LYVE1: variants seen among roughly 807,000 people sequenced by gnomAD.
LYVE1 encodes the protein lymphatic vessel endothelial hyaluronic acid receptor 1.
A neutral mutation model predicts 31.5 loss-of-function variants in LYVE1; 29 were observed. The ratio of observed to expected loss-of-function variants is 0.92; its 90% confidence interval spans 0.69 to 1.26. The LOEUF (loss-of-function observed/expected upper bound fraction) is 1.26. Among genes scored for constraint, LYVE1 ranks in the 50% most tolerant of loss-of-function variants. LYVE1 has a pLI of 0.00. For synonymous variants in LYVE1, 134 were observed against 139.4 expected, an observed-to-expected ratio of 0.96 and a Z score of 0.27; for missense variants, 376 against 380.2, an observed-to-expected ratio of 0.99 and a Z score of 0.09.
Position 10,559,287 on chromosome 11 carries a change from C to T in LYVE1, c.793G>A (p.Ala265Thr), listed in dbSNP as rs1850369028. The T allele has an allele frequency of 6.2e-7, 1 of 1,612,880 alleles. No homozygotes were observed. The highest frequency in any genetic ancestry group is 1.1e-5 in the South Asian group (1 of 90,934). ...TGATTCTTGTTTGTAAAAGGGAAGG[C>T]CTTCACATACCTTTAGGCAGAAACA... is the stretch of plus-strand genomic sequence containing the variant. ...GFCYVKRYVKAFPFTNKNQQK... is the reference protein window; with the variant it reads ...GFCYVKRYVKTFPFTNKNQQK... The change falls in exon 6 of 6, where the codon GCC (alanine) becomes ACC (threonine). Residue 265 changes from alanine to threonine, a missense_variant. Coordinates refer to ENST00000256178, the MANE Select transcript of LYVE1 (RefSeq NM_006691.4).
At chr11:10,567,278 T>G (rs1365727243) in intron 1 of LYVE1, among the ~76,000 whole-genome samples, 1 of 152,232 alleles carries the variant, frequency 6.6e-6, no homozygotes, top group Non-Finnish European at 1.5e-5. Flanking sequence ...GTCATGGTTA[T>G]GCTGACTTTT....
chr11:10,567,456 T>C (rs935774696), intron 1 of LYVE1, among the ~76,000 whole-genome samples: 3 of 152,212 alleles, frequency 2.0e-5, no homozygotes, highest in African/African-American at 7.2e-5. Flanking sequence ...ACCAAACTTA[T>C]TTGAAAGTAA....
intron 1 of LYVE1, among the ~76,000 whole-genome samples, chr11:10,566,902 C>G (rs1273957250): frequency 6.6e-6 from 1 of 152,108 alleles, no homozygotes; most frequent in African/African-American, 2.4e-5. Flanking sequence ...TTTATGCTTT[C>G]CTATTTCATT....
At position 10,560,577 on chromosome 11, in the gene LYVE1, C is replaced by T; in HGVS notation, c.621G>A (p.Met207Ile). ...TTTCTGTAGACATGGTGCTAGTTTC[C>T]ATAAAAACTTCTGTGACACAAATCA... The part of the protein sequence containing the change: ...KKLICVTEVF[M>I]ETSTMSTETE... The change falls in exon 4 of 6, where the codon ATG becomes ATA. Residue 207 changes from methionine to isoleucine, a missense_variant. Coordinates refer to ENST00000256178, the MANE Select transcript of LYVE1 (RefSeq NM_006691.4). The T allele has an allele frequency of 6.2e-7, 1 of 1,614,034 alleles. No homozygotes were observed. Among genetic ancestry groups the T allele is most frequent in the South Asian group, 1.1e-5 (1 of 91,062 alleles).
chr11:10,561,882 A>G (rs1251409613), intron 3 of LYVE1, among the ~76,000 whole-genome samples: 2 of 152,190 alleles, frequency 1.3e-5, no homozygotes, highest in East Asian at 3.8e-4. Flanking sequence ...TGACGGGTTG[A>G]TGGGTGCAGC....
At position 10,557,119 on chromosome 11, in the gene LYVE1, G is replaced by A. The variant is rs1850333136; in HGVS notation, c.*1992C>T. ...ACTGGGGCAGGCAGGTGATATATATGAGGGACGTGGGCTGGGTGTGAAGAA... is the reference window on the plus strand; with the variant it reads ...ACTGGGGCAGGCAGGTGATATATATAAGGGACGTGGGCTGGGTGTGAAGAA... On this transcript the variant is annotated 3_prime_UTR_variant, in exon 6 of 6. Coordinates refer to ENST00000256178, the MANE Select transcript of LYVE1 (RefSeq NM_006691.4). The A allele has an allele frequency of 1.3e-5, 2 of 152,194 alleles. No individual in the cohort carries two copies. Among genetic ancestry groups the A allele is most frequent in the African/African-American group, 4.8e-5 (2 of 41,438 alleles). 9.4% of individuals were successfully genotyped at this position (152,194 alleles called of 1,614,324 possible).
chr11:10,564,511 A>G, intron 1 of LYVE1, 137 bp from the exon 2 acceptor site: 1 of 710,606 alleles, frequency 1.4e-6, no homozygotes. Context: ...GAATAACAGG[A>G]CACAGACCAG....
rs1850360523 is a variant in LYVE1, at chr11:10,558,861, A to G, written c.*250T>C. 2.2e-6 allele frequency: 1 copy of G among 447,394 alleles called. No homozygotes were observed. The highest frequency in any genetic ancestry group is 2.0e-5 in the African/African-American group (1 of 50,386). 27.7% of individuals were successfully genotyped at this position (447,394 alleles called of 1,614,324 possible). A position where few individuals can be genotyped will look rare whatever the true frequency, so the allele number is the denominator to read the frequency against. ...TCCCAGTGGGATATTATTAGGACAT[A>G]GCCAGGCTAGAAAGGCCGTGGGAAG... On this transcript the variant is annotated 3_prime_UTR_variant, in exon 6 of 6. Coordinates refer to ENST00000256178, the MANE Select transcript of LYVE1 (RefSeq NM_006691.4).
rs1353968853 is a variant in LYVE1 at position 10,568,659 on chromosome 11, A to G, written c.-127T>C. On this transcript the variant is annotated 5_prime_UTR_variant, in exon 1 of 6. Coordinates refer to ENST00000256178, the MANE Select transcript of LYVE1 (RefSeq NM_006691.4). The stretch of plus-strand genomic sequence containing the variant: ...TGTTGAGGCTCACACTCACTGCTCC[A>G]CTTCATAACCGAGACATCCGGATTT... 7.7e-7 allele frequency: 1 copy of G among 1,291,238 alleles called. No homozygotes were observed. The highest frequency in any genetic ancestry group is 9.9e-7 in the Non-Finnish European group (1 of 1,005,790). The allele number at this position is 1,291,238 out of a possible 1,614,324, so 80.0% of individuals were successfully genotyped here. A position where few individuals can be genotyped will look rare whatever the true frequency, so the allele number is the denominator to read the frequency against.
At chr11:10,564,727 T>C (rs968732095) in intron 1 of LYVE1, among the ~76,000 whole-genome samples, 1 of 152,178 alleles carries the variant, frequency 6.6e-6, no homozygotes, top group Admixed American at 6.5e-5. Context: ...ATGAAGCATC[T>C]GAGACTTTGA....
At chr11:10,562,462 A>G (rs1438871256) in intron 3 of LYVE1, among the ~76,000 whole-genome samples, 1 of 152,178 alleles carries the variant, frequency 6.6e-6, no homozygotes, top group African/African-American at 2.4e-5. Flanking sequence ...CTTGGATCCT[A>G]TATTGCCTTT....
chr11:10,562,946 C>CTTTTTTTTT (rs71034774), intron 3 of LYVE1, among the ~76,000 whole-genome samples: 8 of 79,456 alleles, frequency 1.0e-4, no homozygotes, highest in East Asian at 4.3e-4. Context: ...AACTCGGTTT[C>CTTTTTTTTT]TTTTTTTTTT....
rs1486747004 is a variant in LYVE1, at chr11:10,558,923, C to T, written c.*188G>A. On this transcript the variant is annotated 3_prime_UTR_variant, in exon 6 of 6. Transcript: ENST00000256178. ...GGAGGATAGGATCCAGACAGGGTTA[C>T]AATAAGGAGAAGGGCATTCTCTTTG... 1 of 563,832 alleles carries T rather than the reference C, an allele frequency of 1.8e-6. No individual in the cohort carries two copies. Among genetic ancestry groups the T allele is most frequent in the Non-Finnish European group, 3.1e-6 (1 of 319,558 alleles). The allele number at this position is 563,832 out of a possible 1,614,324, so 34.9% of individuals were successfully genotyped here. A position where few individuals can be genotyped will look rare whatever the true frequency, so the allele number is the denominator to read the frequency against.
chr11:10,566,078 G>A (rs1349817807), intron 1 of LYVE1, among the ~76,000 whole-genome samples: 1 of 151,936 alleles, frequency 6.6e-6, no homozygotes, highest in African/African-American at 2.4e-5. Flanking sequence ...CCAAAGTGCT[G>A]GGATTACAGG....
intron 5 of LYVE1, 152 bp from the exon 6 acceptor site, chr11:10,559,449 A>G (rs577643551): frequency 1.6e-6 from 1 of 625,792 alleles, no homozygotes; most frequent in East Asian, 2.7e-5. Flanking sequence ...TTAAGACATC[A>G]CCACCTTAAT....
In LYVE1 at chr11:10,558,859, A is replaced by G. The variant is rs1359581387; in HGVS notation, c.*252T>C. 2.3e-6 allele frequency: 1 copy of G among 443,740 alleles called. No individual in the cohort carries two copies. The highest frequency in any genetic ancestry group is 4.0e-6 in the Non-Finnish European group (1 of 252,412). 27.5% of individuals were successfully genotyped at this position (443,740 alleles called of 1,614,324 possible). On this transcript the variant is annotated 3_prime_UTR_variant, in exon 6 of 6. Coordinates refer to ENST00000256178, the MANE Select transcript of LYVE1 (RefSeq NM_006691.4). Reference sequence around the variant, plus strand: ...TCTCCCAGTGGGATATTATTAGGACATAGCCAGGCTAGAAAGGCCGTGGGA... The same window carrying G: ...TCTCCCAGTGGGATATTATTAGGACGTAGCCAGGCTAGAAAGGCCGTGGGA...
Position 10,559,872 on chromosome 11 carries a change from C to A in LYVE1, c.726G>T (p.Val242=). 1 of 1,613,880 alleles carries A rather than the reference C, an allele frequency of 6.2e-7. No individual in the cohort carries two copies. The highest frequency in any genetic ancestry group is 8.5e-7 in the Non-Finnish European group (1 of 1,179,834). Residue 242 remains valine (V), a synonymous_variant, in exon 5 of 6, where the codon GTG becomes GTT. Transcript: ENST00000256178. ...CAGCACCAAAGAAGAGGAGAGCAAG[C>A]ACTAGCAGAGCCGTGGGGACACCTG... ...GFGGVPTALL[V]LALLFFGAAA...
chr11:10,563,409 A>G (rs1395044255), intron 3 of LYVE1, among the ~76,000 whole-genome samples: 1 of 152,218 alleles, frequency 6.6e-6, no homozygotes, highest in East Asian at 1.9e-4. Context: ...ATACAGTACA[A>G]TGACTGTTTA....
intron 3 of LYVE1, among the ~76,000 whole-genome samples, chr11:10,562,220 C>A (rs1446673240): frequency 1.3e-5 from 2 of 152,168 alleles, no homozygotes; most frequent in East Asian, 3.8e-4. Context: ...TCACCAATTC[C>A]CCAGCCAGTG....
Sources: gnomAD v4.1 joint callset for allele counts (sites outside exome capture counted in the v4.1 genomes callset) on GRCh38, gnomAD v4.1.1 for gene constraint, MANE v1.5 for transcripts, NCBI Gene and HGNC (gene_info 2026-07-23, HGNC 2026-07-21) for gene names.